EFCAB5: variants seen among roughly 807,000 people sequenced by gnomAD.
EFCAB5 encodes EF-hand calcium binding domain 5, also known as EF-hand calcium-binding domain-containing protein 5.
A neutral mutation model predicts 167.9 loss-of-function variants in EFCAB5; 131 were observed. That is an observed-to-expected ratio of 0.78 (90% CI 0.68 to 0.90). EFCAB5 has a LOEUF of 0.90. Among genes scored for constraint, EFCAB5 ranks in the 40% least tolerant of loss-of-function variants. The probability of loss-of-function intolerance (pLI) is 0.00; values close to 1 mark genes in which losing one functional copy is unlikely to be tolerated. For missense variants in EFCAB5, 1,663 were observed against 1,745.2 expected (o/e 0.95, Z 0.84); for synonymous variants, 574 against 602.8 (o/e 0.95, Z 0.70).
At chr17:29,976,140 A>G (rs1460337666) in intron 4 of EFCAB5, among the ~76,000 whole-genome samples, 1 of 152,214 alleles carries the variant, frequency 6.6e-6, no homozygotes, top group Non-Finnish European at 1.5e-5. Flanking sequence ...ATATATTGAC[A>G]AACACTTCCT....
intron 6 of EFCAB5, 104 bp downstream of exon 6, chr17:29,996,464 C>T: frequency 2.0e-6 from 2 of 1,008,420 alleles, no homozygotes; most frequent in South Asian, 3.2e-5. Context: ...TTATTCAAAA[C>T]TCTTGCAGGG....
chr17:30,051,267 C>T, intron 9 of EFCAB5, 50 bp downstream of exon 9: 2 of 1,388,656 alleles, frequency 1.4e-6, no homozygotes, highest in Non-Finnish European at 2.0e-6. Flanking sequence ...TCGCAGTGCA[C>T]TGATATGTAC....
At chr17:30,096,069 C>T (rs771682532) in intron 22 of EFCAB5, among the ~76,000 whole-genome samples, 1 of 152,148 alleles carries the variant, frequency 6.6e-6, no homozygotes, top group Non-Finnish European at 1.5e-5. Context: ...CTTTTAGTTA[C>T]GAGTTATGAT....
chr17:29,984,359 G>A (rs573358668), intron 4 of EFCAB5, among the ~76,000 whole-genome samples: 3 of 151,720 alleles, frequency 2.0e-5, no homozygotes, highest in Admixed American at 6.6e-5. Flanking sequence ...GTAGCTGACC[G>A]GTAGAGCTGA....
upstream of EFCAB5, among the ~76,000 whole-genome samples, chr17:29,937,674 A>G (rs2067256973): frequency 6.6e-6 from 1 of 152,164 alleles, no homozygotes; most frequent in Admixed American, 6.5e-5. Flanking sequence ...AGTCAGAGAA[A>G]GGATATAGAG....
intron 18 of EFCAB5, among the ~76,000 whole-genome samples, chr17:30,084,418 C>T (rs940261119): frequency 2.0e-5 from 3 of 152,172 alleles, no homozygotes; most frequent in African/African-American, 7.2e-5. Context: ...GCCAAAATAG[C>T]CCAAAGCAGC....
intron 22 of EFCAB5, among the ~76,000 whole-genome samples, chr17:30,105,372 A>G (rs1329857873): frequency 6.6e-6 from 1 of 152,172 alleles, no homozygotes; most frequent in Admixed American, 6.6e-5. Context: ...CTGTAATCCC[A>G]GCTACTTGGG....
At chr17:30,014,317 G>T (rs2151689684) in intron 7 of EFCAB5, among the ~76,000 whole-genome samples, 1 of 152,246 alleles carries the variant, frequency 6.6e-6, no homozygotes, top group South Asian at 2.1e-4. Flanking sequence ...TGTCTATTAG[G>T]TCTGCTTAGT....
chr17:30,105,476 G>A (rs2071437590), intron 22 of EFCAB5, among the ~76,000 whole-genome samples: 3 of 152,128 alleles, frequency 2.0e-5, no homozygotes, highest in Non-Finnish European at 4.4e-5. Context: ...GACAGAGTGA[G>A]ACTCCATCTC....
chr17:30,014,371 C>T (rs1000340445), intron 7 of EFCAB5, among the ~76,000 whole-genome samples: 1 of 152,054 alleles, frequency 6.6e-6, no homozygotes, highest in African/African-American at 2.4e-5. Flanking sequence ...TAACCTGTCT[C>T]GTTGATCTGT....
intron 3 of EFCAB5, among the ~76,000 whole-genome samples, chr17:29,964,904 T>C (rs1185508603): frequency 6.6e-6 from 1 of 151,844 alleles, no homozygotes. Context: ...TATTTGACTT[T>C]TTTTTTTTCT....
chr17:29,936,716 C>T (rs1339886084), upstream of EFCAB5, among the ~76,000 whole-genome samples: 1 of 152,150 alleles, frequency 6.6e-6, no homozygotes. Flanking sequence ...AATTTATTTC[C>T]CATCCTCTGG....
At chr17:29,969,528 A>C (rs1157904357) in intron 4 of EFCAB5, among the ~76,000 whole-genome samples, 161 bp downstream of exon 4, 1 of 152,208 alleles carries the variant, frequency 6.6e-6, no homozygotes, top group Non-Finnish European at 1.5e-5. Flanking sequence ...TTTTTGAGGC[A>C]CTGTGAAGAC....
In EFCAB5 at chr17:29,963,226, G is replaced by T. The variant is rs748019912; in HGVS notation, c.191-5565G>T. Among the ~76,000 whole-genome samples the T allele has an allele frequency of 3.3e-5, 5 of 152,126 alleles. No homozygotes were observed. The East Asian group carries it at 9.6e-4, about 29-fold the overall frequency. On this transcript the variant is annotated intron_variant, in intron 3 of 22. Coordinates refer to ENST00000394835, the MANE Select transcript of EFCAB5 (RefSeq NM_198529.4). ...TAAAGTGCTGGGATTAGAGGCATGAGCCACCACACCTGGCCAACTGTGGAT... is the reference window on the plus strand; with the variant it reads ...TAAAGTGCTGGGATTAGAGGCATGATCCACCACACCTGGCCAACTGTGGAT...
intron 19 of EFCAB5, among the ~76,000 whole-genome samples, chr17:30,087,770 TTATAA>T (rs1164296254): frequency 6.6e-6 from 1 of 152,246 alleles, no homozygotes; most frequent in Non-Finnish European, 1.5e-5. Flanking sequence ...GCATGTATCT[TTATAA>T]TATAATGATT....
chr17:29,988,292 A>G (rs2068333463), intron 4 of EFCAB5, among the ~76,000 whole-genome samples: 1 of 152,230 alleles, frequency 6.6e-6, no homozygotes, highest in South Asian at 2.1e-4. Flanking sequence ...TAAAATCATC[A>G]GTTGTTCATC....
At chr17:29,942,143 T>C (rs1597553405) in intron 1 of EFCAB5, 97 bp from the exon 2 acceptor site, 1 of 1,061,574 alleles carries the variant, frequency 9.4e-7, no homozygotes, top group East Asian at 2.7e-5. Flanking sequence ...TATGTGAAAT[T>C]TTTAAAAATT....
chr17:29,932,823 G>A (rs1305484799), intron 1 of EFCAB5, among the ~76,000 whole-genome samples: 1 of 152,086 alleles, frequency 6.6e-6, no homozygotes, highest in African/African-American at 2.4e-5. Context: ...GTAGGTAAGT[G>A]TGGAACATTT....
intron 22 of EFCAB5, among the ~76,000 whole-genome samples, chr17:30,097,047 TACA>T (rs1567777429): frequency 1.0e-5 from 1 of 96,572 alleles, no homozygotes; most frequent in African/African-American, 5.6e-5. Flanking sequence ...CATATACATA[TACA>T]TATATATATA....
Sources: gnomAD v4.1 joint callset for allele counts (sites outside exome capture counted in the v4.1 genomes callset) on GRCh38, gnomAD v4.1.1 for gene constraint, MANE v1.5 for transcripts, NCBI Gene and HGNC (gene_info 2026-07-23, HGNC 2026-07-21) for gene names.